AGPS: variants seen among roughly 807,000 people sequenced by gnomAD.
The protein encoded by AGPS is alkylglycerone phosphate synthase, also known as alkyldihydroxyacetonephosphate synthase, peroxisomal.
Under a neutral mutation model 90.7 loss-of-function variants are expected in AGPS, and 26 were observed. The ratio of observed to expected loss-of-function variants is 0.29; its 90% CI spans 0.21 to 0.40. AGPS has a LOEUF of 0.40. AGPS is among the 10% of genes least tolerant of loss of function. AGPS has a pLI of 1.00. For missense variants in AGPS, 540 were observed against 816.1 expected, an observed-to-expected ratio of 0.66 and a Z score of 4.12; for synonymous variants, 294 against 285.3, an observed-to-expected ratio of 1.03 and a Z score of -0.31.
At chr2:177,439,179 A>T (rs1686518003) in intron 5 of AGPS, among the ~76,000 whole-genome samples, 1 of 152,234 alleles carries the variant, frequency 6.6e-6, no homozygotes, top group Non-Finnish European at 1.5e-5. Flanking sequence ...GAACTGTGAA[A>T]ATACAGGCTA....
At chr2:177,513,971 G>T (rs1002029141) in intron 17 of AGPS, 63 bp downstream of exon 17, 40 of 1,244,442 alleles carry the variant, frequency 3.2e-5, no homozygotes, top group Non-Finnish European at 4.5e-5. Context: ...TTAATCAAGG[G>T]GGGGAATATA....
rs1049144949 is a variant in AGPS at position 177,409,712 on chromosome 2, A to G, written c.261-10557A>G. 4.6e-5 allele frequency among the ~76,000 whole-genome samples: 7 copies of G among 152,230 alleles called. No individual in the cohort carries two copies. In the East Asian group the frequency reaches 1.4e-3, roughly 29 times the overall value. On this transcript the variant is annotated intron_variant, in intron 1 of 19. Transcript: ENST00000264167. ...CCTTGGGAGGGGTGCCTTCGATCTC[A>G]TCAACATTGGAGCATGGGCTAGTAG...
chr2:177,461,873 G>T lies in AGPS; in HGVS notation c.871-20G>T, dbSNP rs767762408. ...AATGGGACCATTTTCACTGTAAAAT[G>T]TTAAATTTTTGTTTTTCAGCTTAAA... On this transcript the variant is annotated intron_variant, in intron 8 of 19. Coordinates refer to ENST00000264167, the MANE Select transcript of AGPS (RefSeq NM_003659.4). The T allele has an allele frequency of 6.3e-7, 1 of 1,592,818 alleles. No homozygotes were observed. Among genetic ancestry groups the T allele is most frequent in the South Asian group, 1.1e-5 (1 of 90,806 alleles).
intron 19 of AGPS, among the ~76,000 whole-genome samples, chr2:177,525,583 G>A (rs916698055): frequency 1.4e-4 from 21 of 152,184 alleles, no homozygotes; most frequent in African/African-American, 4.6e-4. Context: ...TTCTGCAAGA[G>A]GGTGAGAGCA....
At chr2:177,483,670 G>A (rs995088011) in intron 11 of AGPS, among the ~76,000 whole-genome samples, 3 of 152,192 alleles carry the variant, frequency 2.0e-5, no homozygotes, top group Admixed American at 1.3e-4. Context: ...TTGGGAATAC[G>A]ATATTATGGT....
intron 14 of AGPS, among the ~76,000 whole-genome samples, chr2:177,500,096 G>T (rs1398660863): frequency 6.6e-6 from 1 of 151,928 alleles, no homozygotes; most frequent in African/African-American, 2.4e-5. Flanking sequence ...GGTGATAATA[G>T]TGTATGTATA....
intron 9 of AGPS, among the ~76,000 whole-genome samples, chr2:177,465,793 G>T (rs1687427543): frequency 6.6e-6 from 1 of 152,186 alleles, no homozygotes; most frequent in South Asian, 2.1e-4. Context: ...TCCTAGGTCT[G>T]GGCTCCTTGA....
chr2:177,525,813 T>C (rs2079081672), intron 19 of AGPS, among the ~76,000 whole-genome samples: 1 of 152,218 alleles, frequency 6.6e-6, no homozygotes, highest in Non-Finnish European at 1.5e-5. Context: ...ACTCTGCTTC[T>C]TTAGGGTCTA....
chr2:177,520,565 A>C (rs746327713), intron 17 of AGPS, among the ~76,000 whole-genome samples: 1 of 152,174 alleles, frequency 6.6e-6, no homozygotes, highest in Non-Finnish European at 1.5e-5. Context: ...TCACTTGCAC[A>C]TATGGAGCTC....
At chr2:177,455,354 G>C (rs1348377592) in intron 8 of AGPS, among the ~76,000 whole-genome samples, 1 of 152,126 alleles carries the variant, frequency 6.6e-6, no homozygotes, top group African/African-American at 2.4e-5. Flanking sequence ...TGTTTCTGTG[G>C]AGCGCTAAAC....
At chr2:177,450,975 T>TATATA (rs1434749270) in intron 8 of AGPS, among the ~76,000 whole-genome samples, 3 of 136,588 alleles carry the variant, frequency 2.2e-5, no homozygotes, top group African/African-American at 7.1e-5. Context: ...TATATATATA[T>TATATA]TTTAGAGACA....
intron 8 of AGPS, among the ~76,000 whole-genome samples, chr2:177,457,331 C>T (rs544688492): frequency 9.9e-5 from 15 of 152,176 alleles, no homozygotes; most frequent in Admixed American, 9.8e-4. Context: ...CATGAAATAA[C>T]TAAGATCAGA....
intron 14 of AGPS, 35 bp from the exon 15 acceptor site, chr2:177,505,471 A>G (rs1429735385): frequency 1.3e-6 from 2 of 1,572,798 alleles, no homozygotes; most frequent in African/African-American, 1.4e-5. Flanking sequence ...AGATTAAGAT[A>G]AAAAATTTAT....
chr2:177,409,363 T>C (rs935632528), intron 1 of AGPS, among the ~76,000 whole-genome samples: 6 of 150,622 alleles, frequency 4.0e-5, no homozygotes, highest in Non-Finnish European at 4.4e-5. Context: ...CCTCCCCCTA[T>C]GCTCTCAGGT....
intron 8 of AGPS, among the ~76,000 whole-genome samples, chr2:177,455,111 G>T (rs1166440618): frequency 6.6e-6 from 1 of 152,064 alleles, no homozygotes; most frequent in African/African-American, 2.4e-5. Context: ...GGACACCCGT[G>T]CTGTAATCCA....
chr2:177,492,944 G>T (rs1688310520), intron 11 of AGPS, among the ~76,000 whole-genome samples: 1 of 152,072 alleles, frequency 6.6e-6, no homozygotes, highest in African/African-American at 2.4e-5. Context: ...TATATCTGTA[G>T]ATTTCTTCTC....
chr2:177,413,468 A>G (rs1426384086), intron 1 of AGPS, among the ~76,000 whole-genome samples: 1 of 152,242 alleles, frequency 6.6e-6, no homozygotes, highest in Non-Finnish European at 1.5e-5. Flanking sequence ...ATTACTAACA[A>G]GCATGGAGTG....
At chr2:177,537,579 T>A (rs2079194984) in intron 19 of AGPS, among the ~76,000 whole-genome samples, 1 of 152,148 alleles carries the variant, frequency 6.6e-6, no homozygotes, top group African/African-American at 2.4e-5. Context: ...TTGAGCCTAT[T>A]AAAGTTTCAA....
intron 6 of AGPS, among the ~76,000 whole-genome samples, chr2:177,441,955 T>C (rs1686617033): frequency 6.6e-6 from 1 of 152,364 alleles, no homozygotes; most frequent in Non-Finnish European, 1.5e-5. Context: ...TTAAAGCTTT[T>C]TTGTATAAGA....
Sources: allele counts gnomAD v4.1 joint callset (sites outside exome capture counted in the v4.1 genomes callset), GRCh38; gene constraint gnomAD v4.1.1; transcripts MANE v1.5; gene names NCBI Gene and HGNC (gene_info 2026-07-23, HGNC 2026-07-21).